Variants in LBR observed in about 807,000 individuals in gnomAD.
LBR encodes delta(14)-sterol reductase LBR.
In LBR, 28 loss-of-function variants were observed where a neutral mutation model predicts 74.3. The ratio of observed to expected loss-of-function variants is 0.38; its 90% CI spans 0.28 to 0.52. The LOEUF is 0.52. Ranked by LOEUF, LBR falls within the 20% of genes least tolerant of loss-of-function variation. LBR has a pLI of 0.89. For synonymous variants in LBR, 228 were observed against 269.3 expected, an observed-to-expected ratio of 0.85 and a Z score of 1.50; for missense variants, 717 against 760.3, an observed-to-expected ratio of 0.94 and a Z score of 0.67.
upstream of LBR, among the ~76,000 whole-genome samples, chr1:225,428,390 G>T (rs1411385613): frequency 6.6e-6 from 1 of 152,198 alleles, no homozygotes; most frequent in Non-Finnish European, 1.5e-5. Flanking sequence ...CCCTCCCAGC[G>T]CTCGCAGCAG....
chr1:225,422,186 G>C lies in LBR; in HGVS notation c.257C>G (p.Ser86Cys). 6.2e-7 allele frequency: 1 copy of C among 1,613,526 alleles called. No homozygotes were observed. The highest frequency in any genetic ancestry group is 8.5e-7 in the Non-Finnish European group (1 of 1,179,492). Reference sequence around the variant, plus strand: ...GGCACTTTTAGGTGGTCGACCAGGGGATCGGGAGCGTGACCTTGATCGACT... The same window carrying C: ...GGCACTTTTAGGTGGTCGACCAGGGCATCGGGAGCGTGACCTTGATCGACT... ...RGSRSRSRSR[S>C]PGRPPKSARR... Residue 86 changes from serine (S) to cysteine (C), a missense_variant, in exon 3 of 14, where the codon TCC (serine) becomes TGC (cysteine). Physicochemically the swap from Ser to Cys is moderately radical, Grantham distance 112. Coordinates refer to ENST00000272163, the MANE Select transcript of LBR (RefSeq NM_002296.4).
In LBR at chr1:225,402,213, TAC is replaced by T. The variant is rs1032418037; in HGVS notation, c.*1088_*1089del. 2 of 152,124 alleles carry T rather than the reference TAC, an allele frequency of 1.3e-5. No individual in the cohort carries two copies. The highest frequency in any genetic ancestry group is 4.8e-5 in the African/African-American group (2 of 41,442). The allele number at this position is 152,124 out of a possible 1,614,324, so 9.4% of individuals were successfully genotyped here. On this transcript the variant is annotated 3_prime_UTR_variant, in exon 14 of 14. Coordinates refer to ENST00000272163, the MANE Select transcript of LBR (RefSeq NM_002296.4). Reference sequence around the variant, plus strand: ...AGTCAGGTTTGGTAAATATAAAGGATACATAAAAAATACAGTATAAACTGCAT... The same window carrying T: ...AGTCAGGTTTGGTAAATATAAAGGATATAAAAAATACAGTATAAACTGCAT...
chr1:225,403,226 G>T lies in LBR; in HGVS notation c.*77C>A. ...GACCCTGTCAGTGCAACAAAAGAAAGTTTCGGATTTTTTTCCTTGTTTTTG... is the reference window on the plus strand; with the variant it reads ...GACCCTGTCAGTGCAACAAAAGAAATTTTCGGATTTTTTTCCTTGTTTTTG... On this transcript the variant is annotated 3_prime_UTR_variant, in exon 14 of 14. Coordinates refer to ENST00000272163, the MANE Select transcript of LBR (RefSeq NM_002296.4). 7.0e-7 allele frequency: 1 copy of T among 1,437,040 alleles called. No homozygotes were observed. Among genetic ancestry groups the T allele is most frequent in the Non-Finnish European group, 9.8e-7 (1 of 1,019,538 alleles). The allele number at this position is 1,437,040 out of a possible 1,614,324, so 89.0% of individuals were successfully genotyped here. A position where few individuals can be genotyped will look rare whatever the true frequency, so the allele number is the denominator to read the frequency against.
intron 7 of LBR, chr1:225,413,737 T>C (rs2096110974): frequency 9.2e-6 from 3 of 324,852 alleles, no homozygotes; most frequent in Non-Finnish European, 1.8e-5. Flanking sequence ...CAAAATGTCT[T>C]AGGAACCTCC....
At chr1:225,405,881 C>A (rs543501169) in intron 11 of LBR, among the ~76,000 whole-genome samples, 1 of 152,350 alleles carries the variant, frequency 6.6e-6, no homozygotes, top group East Asian at 1.9e-4. Context: ...ACCACAGATA[C>A]TAACTTGTGT....
chr1:225,413,900 G>T (rs1306912253), intron 7 of LBR: 1 of 456,742 alleles, frequency 2.2e-6, no homozygotes, highest in Non-Finnish European at 4.4e-6. Flanking sequence ...CTCAGTCTCT[G>T]AATGTACCAC....
At chr1:225,426,280 C>T (rs1040604140) in intron 1 of LBR, among the ~76,000 whole-genome samples, 6 of 152,204 alleles carry the variant, frequency 3.9e-5, no homozygotes, top group African/African-American at 1.2e-4. Flanking sequence ...TATATTCCCC[C>T]ACAGGAGTGA....
chr1:225,412,364 T>C (rs2096107633), intron 8 of LBR, 90 bp downstream of exon 8: 10 of 1,182,084 alleles, frequency 8.5e-6, no homozygotes, highest in Non-Finnish European at 1.1e-5. Flanking sequence ...AAAAATGAAG[T>C]TAGAAAAAAA....
intron 11 of LBR, among the ~76,000 whole-genome samples, chr1:225,405,480 C>T (rs1270371012): frequency 1.3e-5 from 2 of 152,148 alleles, no homozygotes; most frequent in Non-Finnish European, 2.9e-5. Flanking sequence ...ATTAATGTGG[C>T]TATCACAGGA....
chr1:225,423,763 G>C, intron 2 of LBR, 148 bp downstream of exon 2: 1 of 787,492 alleles, frequency 1.3e-6, no homozygotes, highest in Non-Finnish European at 2.2e-6. Context: ...TACATTCCCA[G>C]AGCCAAAAAC....
At chr1:225,409,189 GCTTCC>G (rs770965027) in intron 10 of LBR, among the ~76,000 whole-genome samples, 2 of 152,208 alleles carry the variant, frequency 1.3e-5, no homozygotes, top group Admixed American at 6.5e-5. Flanking sequence ...CACCTTCACA[GCTTCC>G]CAAGCTCTGA....
At chr1:225,424,426 G>C (rs955700590) in intron 1 of LBR, among the ~76,000 whole-genome samples, 3 of 152,140 alleles carry the variant, frequency 2.0e-5, no homozygotes, top group African/African-American at 7.2e-5. Context: ...TTGTAAATTT[G>C]CGTATCAATT....
rs964262695 is a variant in LBR at position 225,427,990 on chromosome 1, G to A, written c.-51C>T. ...TCCGGCGGTGACACGGACGGCTCCC[G>A]GAGAATAGTCGCACAGCAACCCGGC... On this transcript the variant is annotated 5_prime_UTR_variant, in exon 1 of 14. Coordinates refer to ENST00000272163, the MANE Select transcript of LBR (RefSeq NM_002296.4). The A allele has an allele frequency of 6.6e-6, 1 of 152,142 alleles. No homozygotes were observed. The highest frequency in any genetic ancestry group is 1.5e-5 in the Non-Finnish European group (1 of 68,046). 9.4% of individuals were successfully genotyped at this position (152,142 alleles called of 1,614,324 possible). A position where few individuals can be genotyped will look rare whatever the true frequency, so the allele number is the denominator to read the frequency against.
chr1:225,411,934 C>T (rs914717941), intron 8 of LBR, among the ~76,000 whole-genome samples: 2 of 152,326 alleles, frequency 1.3e-5, no homozygotes, highest in East Asian at 1.9e-4. Flanking sequence ...CTCAGCCTCC[C>T]GAGTAGATGG....
chr1:225,426,676 C>A (rs569460380), intron 1 of LBR, among the ~76,000 whole-genome samples: 1 of 152,184 alleles, frequency 6.6e-6, no homozygotes, highest in Non-Finnish European at 1.5e-5. Flanking sequence ...GCAAGACGCT[C>A]GAATGACGTT....
intron 3 of LBR, among the ~76,000 whole-genome samples, chr1:225,420,168 C>T (rs543429923): frequency 2.0e-5 from 3 of 152,050 alleles, no homozygotes; most frequent in Admixed American, 6.5e-5. Context: ...AAATTAGCCA[C>T]GCACGGTAGC....
intron 1 of LBR, among the ~76,000 whole-genome samples, chr1:225,426,824 C>T (rs756925820): frequency 2.6e-5 from 4 of 152,198 alleles, no homozygotes; most frequent in Non-Finnish European, 4.4e-5. Flanking sequence ...GGCAGAAGCG[C>T]CTTCTTCCCC....
chr1:225,414,453 G>A (rs2096113087), intron 7 of LBR, among the ~76,000 whole-genome samples: 1 of 152,230 alleles, frequency 6.6e-6, no homozygotes, highest in Non-Finnish European at 1.5e-5. Context: ...ATTCAAGGAT[G>A]ACTACAAAAT....
intron 8 of LBR, among the ~76,000 whole-genome samples, chr1:225,412,181 A>T (rs1338532775): frequency 3.3e-5 from 5 of 152,238 alleles, no homozygotes; most frequent in East Asian, 1.9e-4. Flanking sequence ...ATTTGTCATA[A>T]GTCAAAATGC....
Sources: gnomAD v4.1 joint callset for allele counts (sites outside exome capture counted in the v4.1 genomes callset) on GRCh38, gnomAD v4.1.1 for gene constraint, MANE v1.5 for transcripts, NCBI Gene and HGNC (gene_info 2026-07-23, HGNC 2026-07-21) for gene names.